Variants in APLF observed in about 807,000 individuals in gnomAD.
APLF encodes the protein aprataxin and PNK-like factor.
In APLF, 61 loss-of-function variants were observed where a neutral mutation model predicts 55.6. The observed-to-expected ratio is 1.10, with a 90% CI of 0.89 to 1.36. APLF has a LOEUF of 1.36. APLF is among the 40% of genes most tolerant of loss of function. The pLI, the probability that APLF is intolerant of heterozygous loss-of-function variation, is 0.00. For synonymous variants in APLF, 207 were observed against 214.8 expected (o/e 0.96, Z 0.32); for missense variants, 611 against 602.5 (o/e 1.01, Z -0.15).
intron 5 of APLF, among the ~76,000 whole-genome samples, chr2:68,514,561 G>GC (rs1214426306): frequency 6.6e-6 from 1 of 151,740 alleles, no homozygotes; most frequent in Non-Finnish European, 1.5e-5. Context: ...GGGTCCTTGG[G>GC]CCCCATACAA....
intron 3 of APLF, among the ~76,000 whole-genome samples, chr2:68,504,308 A>G (rs949932159): frequency 1.3e-5 from 2 of 151,954 alleles, no homozygotes; most frequent in African/African-American, 4.8e-5. Context: ...CATTTTATGA[A>G]GCTTCTGTAA....
chr2:68,489,043 C>G (rs180932850), intron 1 of APLF, among the ~76,000 whole-genome samples: 2 of 151,534 alleles, frequency 1.3e-5, no homozygotes, highest in Non-Finnish European at 2.9e-5. Context: ...TTTTCTGAAA[C>G]AATAGATTAT....
chr2:68,564,391 G>T (rs538266618), intron 8 of APLF, among the ~76,000 whole-genome samples: 1 of 152,116 alleles, frequency 6.6e-6, no homozygotes, highest in South Asian at 2.1e-4. Context: ...ATTAACTGTG[G>T]AGTTACACTT....
intron 2 of APLF, among the ~76,000 whole-genome samples, chr2:68,491,950 A>G (rs1422804569): frequency 6.6e-6 from 1 of 152,262 alleles, no homozygotes; most frequent in Non-Finnish European, 1.5e-5. Flanking sequence ...TTCTTATAAC[A>G]AAATTGACAT....
chr2:68,542,064 A>T (rs1670568833), intron 7 of APLF, among the ~76,000 whole-genome samples: 1 of 152,208 alleles, frequency 6.6e-6, no homozygotes, highest in Non-Finnish European at 1.5e-5. Flanking sequence ...TTCAATAAAG[A>T]GTGCTCAGAA....
chr2:68,500,458 G>C (rs1676685346), intron 2 of APLF, among the ~76,000 whole-genome samples: 1 of 152,132 alleles, frequency 6.6e-6, no homozygotes, highest in Non-Finnish European at 1.5e-5. Flanking sequence ...GGTTTGTGAT[G>C]CTTTTGTAAA....
At chr2:68,549,040 C>G (rs1670785524) in intron 8 of APLF, among the ~76,000 whole-genome samples, 1 of 151,928 alleles carries the variant, frequency 6.6e-6, no homozygotes. Context: ...TAATATTATT[C>G]AATATCCTGT....
At chr2:68,546,820 T>A (rs1670721115) in intron 8 of APLF, among the ~76,000 whole-genome samples, 1 of 151,852 alleles carries the variant, frequency 6.6e-6, no homozygotes, top group Non-Finnish European at 1.5e-5. Context: ...TATTAAAAAT[T>A]TCCTTTCTGA....
intron 1 of APLF, among the ~76,000 whole-genome samples, chr2:68,468,992 GTGT>G (rs1675525736): frequency 8.0e-6 from 1 of 124,654 alleles, no homozygotes; most frequent in African/African-American, 3.3e-5. Context: ...CTAAAGGGGT[GTGT>G]GTGTGTGTGT....
intron 1 of APLF, among the ~76,000 whole-genome samples, chr2:68,474,382 C>T (rs1233896626): frequency 1.3e-5 from 2 of 152,206 alleles, no homozygotes; most frequent in African/African-American, 2.4e-5. Flanking sequence ...TTGGTCTTTC[C>T]AGTGACTAGC....
At chr2:68,537,177 A>G (rs1434905637) in intron 6 of APLF, among the ~76,000 whole-genome samples, 1 of 151,970 alleles carries the variant, frequency 6.6e-6, no homozygotes, top group Non-Finnish European at 1.5e-5. Context: ...AAAAAAAAAA[A>G]AGAGAAATTA....
In APLF at chr2:68,529,950, C is replaced by T. The variant is rs950644078; in HGVS notation, c.804+3708C>T. ...CGGGGCCTCTCCAGTGCCTCTGTGC[C>T]GCCTGGAGCCAGGCCCGCCTTCTCC... On this transcript the variant is annotated intron_variant, in intron 6 of 9. Transcript: ENST00000303795. The surrounding 1 kb of genome is among the most constrained non-coding windows in gnomAD (Gnocchi z 4.4). Among the ~76,000 whole-genome samples, 565 of 152,354 alleles carry T rather than the reference C, an allele frequency of 3.7e-3. 2 individuals carry two copies. The highest frequency in any genetic ancestry group is 0.013 in the African/African-American group (530 of 41,580).
chr2:68,475,016 G>C (rs1005123954), intron 1 of APLF, among the ~76,000 whole-genome samples: 1 of 152,168 alleles, frequency 6.6e-6, no homozygotes, highest in African/African-American at 2.4e-5. Context: ...TGCAAAGCCA[G>C]AGTTAAAAAC....
rs1205343725 is a variant in APLF, at chr2:68,467,770, TC to T, written c.43del (p.Arg15GlyfsTer10). The T allele has an allele frequency of 1.6e-6, 2 of 1,234,300 alleles. No homozygotes were observed. The highest frequency in any genetic ancestry group is 1.0e-6 in the Non-Finnish European group (1 of 988,036). 76.5% of individuals were successfully genotyped at this position (1,234,300 alleles called of 1,614,324 possible). A position where few individuals can be genotyped will look rare whatever the true frequency, so the allele number is the denominator to read the frequency against. On this transcript the variant is annotated frameshift_variant, in exon 1 of 10. Transcript: ENST00000303795. LOFTEE classifies it high-confidence loss of function. ...GFELQPRDGG[P>X]RVALAPGETV... ...TCGAGCTGCAGCCGCGGGACGGCGGTCCCCGGGTGGCCCTGGCGCCCGGGGA... is the reference window on the plus strand; with the variant it reads ...TCGAGCTGCAGCCGCGGGACGGCGGTCCCGGGTGGCCCTGGCGCCCGGGGA...
At position 68,478,088 on chromosome 2, in the gene APLF, A is replaced by G. The variant is rs1675835824; in HGVS notation, c.96+10261A>G. Among the ~76,000 whole-genome samples, 4 of 152,184 alleles carry G rather than the reference A, an allele frequency of 2.6e-5. No homozygotes were observed. The South Asian group carries it at 8.3e-4, about 32-fold the overall frequency. On this transcript the variant is annotated intron_variant, in intron 1 of 9. Coordinates refer to ENST00000303795, the MANE Select transcript of APLF (RefSeq NM_173545.3). The stretch of plus-strand genomic sequence containing the variant: ...TACCGTAAACCTTGATTAACACACC[A>G]TGGGACCATGGGACCTATGTGAAAT...
rs936970498 is a variant in APLF at position 68,503,007 on chromosome 2, TAGAG to T, written c.341+105_341+108del. On this transcript the variant is annotated intron_variant, in intron 3 of 9. Coordinates refer to ENST00000303795, the MANE Select transcript of APLF (RefSeq NM_173545.3). ...CCAGTAGAAACCATTAAACTGGAGA[TAGAG>T]TAGGTGTGTAATGTGTGTGTACGCA... is the stretch of plus-strand genomic sequence containing the variant. The T allele has an allele frequency of 4.8e-6, 6 of 1,245,198 alleles. No individual in the cohort carries two copies. In the African/African-American group the frequency reaches 7.8e-5, roughly 16 times the overall value. The allele number at this position is 1,245,198 out of a possible 1,614,324, so 77.1% of individuals were successfully genotyped here.
intron 8 of APLF, among the ~76,000 whole-genome samples, chr2:68,557,980 G>A (rs750355538): frequency 6.6e-6 from 1 of 151,472 alleles, no homozygotes; most frequent in African/African-American, 2.4e-5. Context: ...TATATAGAAA[G>A]TAACTTATCA....
intron 8 of APLF, among the ~76,000 whole-genome samples, chr2:68,548,334 A>T (rs1475094138): frequency 6.6e-6 from 1 of 151,992 alleles, no homozygotes; most frequent in Non-Finnish European, 1.5e-5. Context: ...GAAAAAATAT[A>T]TTTGCAACCC....
intron 1 of APLF, among the ~76,000 whole-genome samples, chr2:68,483,729 T>C (rs1489329274): frequency 6.6e-6 from 1 of 152,136 alleles, no homozygotes; most frequent in African/African-American, 2.4e-5. Context: ...ATTTGTACTA[T>C]AATATCCTGT....
Sources: gnomAD v4.1 joint callset for allele counts (sites outside exome capture counted in the v4.1 genomes callset) on GRCh38, gnomAD v4.1.1 for gene constraint, Gnocchi (gnomAD v3.1) non-coding constraint, MANE v1.5 for transcripts, NCBI Gene and HGNC (gene_info 2026-07-23, HGNC 2026-07-21) for gene names.